The following TIAM1 variants were observed in gnomAD, a reference collection of about 807,000 sequenced individuals.
TIAM1 encodes rho guanine nucleotide exchange factor TIAM1.
A neutral mutation model predicts 163.5 loss-of-function variants in TIAM1; 65 were observed. The ratio of observed to expected loss-of-function variants is 0.40; its 90% confidence interval spans 0.33 to 0.49. The LOEUF (loss-of-function observed/expected upper bound fraction) is 0.49, where lower values mean the gene tolerates loss of function less well. Ranked by LOEUF, TIAM1 falls within the 20% of genes least tolerant of loss-of-function variation. TIAM1 has a pLI of 0.77. For missense variants in TIAM1, 1,789 were observed against 2,044.7 expected (o/e 0.87, Z 2.41); for synonymous variants, 833 against 810.1 (o/e 1.03, Z -0.48).
chr21:31,376,582 C>T (rs2300360), intron 2 of TIAM1, among the ~76,000 whole-genome samples: 8,381 of 152,128 alleles, frequency 0.055, 476 homozygotes, highest in East Asian at 0.28. Flanking sequence ...CCCAAACACA[C>T]GCACAGCAGA....
chr21:31,370,909 CCT>C (rs1301217875), intron 2 of TIAM1, among the ~76,000 whole-genome samples: 1 of 152,148 alleles, frequency 6.6e-6, no homozygotes, highest in Non-Finnish European at 1.5e-5. Context: ...CCTGTGCCGC[CCT>C]CTCTCAGACC....
intron 1 of TIAM1, among the ~76,000 whole-genome samples, chr21:31,519,876 G>A (rs138513206): frequency 1.7e-4 from 26 of 152,284 alleles, no homozygotes; most frequent in South Asian, 1.5e-3. Context: ...GTAGAATGGC[G>A]GTGCCAGGGC....
chr21:31,381,279 T>A (rs1205032230), intron 2 of TIAM1, among the ~76,000 whole-genome samples: 1 of 152,030 alleles, frequency 6.6e-6, no homozygotes, highest in Non-Finnish European at 1.5e-5. Flanking sequence ...TAGACATGAG[T>A]GGAGCCCTCA....
chr21:31,420,313 G>A (rs1451865694), intron 2 of TIAM1, among the ~76,000 whole-genome samples: 1 of 152,194 alleles, frequency 6.6e-6, no homozygotes, highest in Non-Finnish European at 1.5e-5. Flanking sequence ...CTCCATGTCT[G>A]TAAAAAATAC....
chr21:31,450,490 T>C (rs2044789453), intron 2 of TIAM1, among the ~76,000 whole-genome samples: 1 of 152,078 alleles, frequency 6.6e-6, no homozygotes, highest in Non-Finnish European at 1.5e-5. Flanking sequence ...CACATTGCTT[T>C]CCTGGGCCTG....
chr21:31,120,929 A>C lies in TIAM1; in HGVS notation c.4307-92T>G. On this transcript the variant is annotated intron_variant, in intron 27 of 27. Coordinates refer to ENST00000541036, the MANE Select transcript of TIAM1 (RefSeq NM_001353694.2). This position sits in a 1 kb window ranked among gnomAD's most constrained non-coding sequence, Gnocchi z 4.2. ...AAGCAAAGGACAGGAGAAAATAAAA[A>C]CCAAAACGGTATGCATTGAATGCCT... The C allele has an allele frequency of 7.8e-7, 1 of 1,277,690 alleles. No individual in the cohort carries two copies. The highest frequency in any genetic ancestry group is 1.1e-6 in the Non-Finnish European group (1 of 948,432). 79.1% of individuals were successfully genotyped at this position (1,277,690 alleles called of 1,614,324 possible). A position where few individuals can be genotyped will look rare whatever the true frequency, so the allele number is the denominator to read the frequency against.
At chr21:31,131,001 C>G in intron 23 of TIAM1, 53 bp from the exon 24 acceptor site, 1 of 1,507,290 alleles carries the variant, frequency 6.6e-7, no homozygotes, top group Non-Finnish European at 9.2e-7. Context: ...AGGGTTTTCC[C>G]CTTGACATCA....
At chr21:31,210,274 T>G in intron 10 of TIAM1, 59 bp from the exon 11 acceptor site, 2 of 1,563,358 alleles carry the variant, frequency 1.3e-6, no homozygotes, top group Admixed American at 1.7e-5. Flanking sequence ...AACCCTAGAT[T>G]CCCAGACTGC....
At chr21:31,316,773 T>C (rs541185056) in intron 2 of TIAM1, among the ~76,000 whole-genome samples, 14 of 152,174 alleles carry the variant, frequency 9.2e-5, no homozygotes, top group Non-Finnish European at 1.8e-4. Context: ...GACCCACACA[T>C]GCCTAGATAA....
At chr21:31,510,051 T>G (rs1478609845) in intron 1 of TIAM1, among the ~76,000 whole-genome samples, 1 of 152,094 alleles carries the variant, frequency 6.6e-6, no homozygotes, top group Non-Finnish European at 1.5e-5. Context: ...CTGAAGTGCA[T>G]CCCCCAAAAA....
intron 16 of TIAM1, among the ~76,000 whole-genome samples, chr21:31,161,787 G>A (rs1442918850): frequency 6.6e-6 from 1 of 152,156 alleles, no homozygotes; most frequent in Non-Finnish European, 1.5e-5. Context: ...GCTAAATCAT[G>A]CTTCCGAGTT....
At chr21:31,314,828 G>C (rs562154680) in intron 2 of TIAM1, among the ~76,000 whole-genome samples, 17 of 152,144 alleles carry the variant, frequency 1.1e-4, no homozygotes, top group Non-Finnish European at 2.1e-4. Flanking sequence ...ATGGACCCAG[G>C]ACAAGGATGC....
At chr21:31,514,934 T>G (rs186211600) in intron 1 of TIAM1, among the ~76,000 whole-genome samples, 1 of 152,198 alleles carries the variant, frequency 6.6e-6, no homozygotes, top group African/African-American at 2.4e-5. Flanking sequence ...GAAAGCAAGA[T>G]AGAGTCACTT....
intron 2 of TIAM1, among the ~76,000 whole-genome samples, chr21:31,391,602 G>A (rs1028440002): frequency 5.3e-5 from 8 of 152,126 alleles, no homozygotes; most frequent in Non-Finnish European, 1.2e-4. Context: ...TCCAGCCTGG[G>A]TGACAGAGCA....
intron 1 of TIAM1, among the ~76,000 whole-genome samples, chr21:31,465,349 T>A (rs1253951956): frequency 2.6e-5 from 4 of 152,064 alleles, no homozygotes; most frequent in Non-Finnish European, 5.9e-5. Context: ...CACCGCAGCC[T>A]CCCAAGTAGC....
intron 23 of TIAM1, among the ~76,000 whole-genome samples, chr21:31,132,204 T>C (rs1414885749): frequency 1.3e-5 from 2 of 152,148 alleles, no homozygotes; most frequent in African/African-American, 2.4e-5. Context: ...AAGTATCTGG[T>C]TCAATTTCTA....
At chr21:31,237,152 G>C (rs1258453988) in intron 6 of TIAM1, among the ~76,000 whole-genome samples, 2 of 152,198 alleles carry the variant, frequency 1.3e-5, no homozygotes, top group Non-Finnish European at 2.9e-5. Context: ...CAGTGGGCAG[G>C]CTCACCTGTT....
chr21:31,394,668 A>G (rs2077022260), intron 2 of TIAM1, among the ~76,000 whole-genome samples: 1 of 151,324 alleles, frequency 6.6e-6, no homozygotes, highest in Non-Finnish European at 1.5e-5. Context: ...AAACTCCTCT[A>G]AAAATGAAAA....
intron 8 of TIAM1, among the ~76,000 whole-genome samples, chr21:31,221,360 CAG>C (rs1462496555): frequency 6.6e-6 from 1 of 152,166 alleles, no homozygotes; most frequent in Non-Finnish European, 1.5e-5. Context: ...AAGAAAGGAA[CAG>C]AGAGTTGAAC....
Sources: gnomAD v4.1 joint callset for allele counts (sites outside exome capture counted in the v4.1 genomes callset) on GRCh38, gnomAD v4.1.1 for gene constraint, Gnocchi (gnomAD v3.1) non-coding constraint, MANE v1.5 for transcripts, NCBI Gene and HGNC (gene_info 2026-07-23, HGNC 2026-07-21) for gene names.